COL16A1: variants seen among roughly 807,000 people sequenced by gnomAD.
COL16A1 encodes the protein collagen alpha-1(XVI) chain.
In COL16A1, 189 loss-of-function variants were observed where a neutral mutation model predicts 266.3. The ratio of observed to expected loss-of-function variants is 0.71; its 90% confidence interval spans 0.63 to 0.80. COL16A1 has a LOEUF of 0.80. Among genes scored for constraint, COL16A1 ranks in the 30% least tolerant of loss-of-function variants. COL16A1 has a pLI of 0.00. For synonymous variants in COL16A1, 740 were observed against 782.3 expected, an observed-to-expected ratio of 0.95 and a Z score of 0.90; for missense variants, 1,928 against 2,122.4, an observed-to-expected ratio of 0.91 and a Z score of 1.80.
In COL16A1 at chr1:31,662,657, C is replaced by T; in HGVS notation, c.3557G>A (p.Gly1186Asp). 1.3e-6 allele frequency: 2 copies of T among 1,547,200 alleles called. No homozygotes were observed. The highest frequency in any genetic ancestry group is 1.7e-6 in the Non-Finnish European group (2 of 1,146,482). The stretch of plus-strand genomic sequence containing the variant: ...TGATGGGCCTCGAATCCCTTCGCTG[C>T]CCTGGAAACCAGCGCCGCCCCCCCC... ...PGPPGPQAEKGSEGIRGPSGL... is the reference protein window; with the variant it reads ...PGPPGPQAEKDSEGIRGPSGL... Residue 1186 changes from glycine (G) to aspartate (D), a missense_variant and splice_region_variant, in exon 57 of 71, where the codon GGC (glycine) becomes GAC (aspartate). Gly to Asp is a moderately conservative substitution (Grantham distance 94). Around this residue, in one of 2 missense-constraint regions of COL16A1, gnomAD observed 1,552 missense variants for 1,637.2 expected, o/e 0.95. Transcript: ENST00000373672.
chr1:31,655,575 C>T, intron 66 of COL16A1, 73 bp from the exon 67 acceptor site: 1 of 1,580,862 alleles, frequency 6.3e-7, no homozygotes, highest in Non-Finnish European at 8.6e-7. Flanking sequence ...TTCTCTCCAC[C>T]CTCCCACCAG....
Position 31,672,447 on chromosome 1 carries a change from G to C in COL16A1, c.3074C>G (p.Pro1025Arg). The C allele has an allele frequency of 6.2e-7, 1 of 1,614,188 alleles. No individual in the cohort carries two copies. The highest frequency in any genetic ancestry group is 8.5e-7 in the Non-Finnish European group (1 of 1,180,028). The change falls in exon 47 of 71, where the codon CCT becomes CGT. Residue 1025 changes from proline to arginine, a missense_variant. By Grantham distance (103) the Pro-to-Arg change is moderately radical (BLOSUM62 -2). Transcript: ENST00000373672. Reference sequence around the variant, plus strand: ...TCCTCTCTGGCCTGGCAATCCCGGAGGACCAGGTAGGCCTGGGCTCCCAAC... The same window carrying C: ...TCCTCTCTGGCCTGGCAATCCCGGACGACCAGGTAGGCCTGGGCTCCCAAC... ...GCVGSPGLPG[P>R]PGLPGQRGEE...
At chr1:31,666,172 G>A in intron 52 of COL16A1, 91 bp from the exon 53 acceptor site, 1 of 1,361,056 alleles carries the variant, frequency 7.3e-7, no homozygotes, top group African/African-American at 1.5e-5. Flanking sequence ...CCAGAACAGA[G>A]GTGGCATGTG....
intron 52 of COL16A1, 63 bp from the exon 53 acceptor site, chr1:31,666,144 G>C (rs1570398089): frequency 3.9e-6 from 6 of 1,527,166 alleles, no homozygotes; most frequent in East Asian, 2.3e-5. Context: ...GAGGTAGGGG[G>C]ATGTGACAGG....
chr1:31,695,974 G>A, intron 9 of COL16A1, 114 bp downstream of exon 9: 1 of 1,079,466 alleles, frequency 9.3e-7, no homozygotes, highest in Non-Finnish European at 1.4e-6. Flanking sequence ...CTCTGTCCAG[G>A]AGGTGGGAAA....
Position 31,653,778 on chromosome 1 carries a change from C to T in COL16A1, c.4534+89G>A. The T allele has an allele frequency of 2.6e-6, 4 of 1,568,068 alleles. No homozygotes were observed. In the Admixed American group the frequency reaches 5.3e-5, roughly 21 times the overall value. On this transcript the variant is annotated intron_variant, in intron 69 of 70. Coordinates refer to ENST00000373672, the MANE Select transcript of COL16A1 (RefSeq NM_001856.4). ...ACACACACACACACACACACACATACATCCCATATTCACAACAGACCTCAT... is the reference window on the plus strand; with the variant it reads ...ACACACACACACACACACACACATATATCCCATATTCACAACAGACCTCAT...
chr1:31,695,716 T>C (rs370351006), intron 10 of COL16A1, 45 bp downstream of exon 10: 4 of 1,603,142 alleles, frequency 2.5e-6, no homozygotes, highest in Non-Finnish European at 3.4e-6. Context: ...GTGCAAAGGG[T>C]TCATGCTGGC....
chr1:31,695,935 G>T, intron 9 of COL16A1, 148 bp from the exon 10 acceptor site: 1 of 984,522 alleles, frequency 1.0e-6, no homozygotes, highest in Non-Finnish European at 1.6e-6. Context: ...CGTCCTTCTT[G>T]ATCAGAGCTG....
intron 52 of COL16A1, chr1:31,666,319 G>A: frequency 1.8e-6 from 1 of 562,224 alleles, no homozygotes; most frequent in Non-Finnish European, 3.1e-6. Flanking sequence ...GCAAATGGCT[G>A]CCCTCTTCTC....
At chr1:31,692,132 T>C (rs1333769224) in intron 16 of COL16A1, 65 bp from the exon 17 acceptor site, 105 of 1,609,026 alleles carry the variant, frequency 6.5e-5, no homozygotes, top group Non-Finnish European at 8.6e-5. Context: ...GGCAGCTCCA[T>C]CTGGTGGAGG....
At position 31,672,590 on chromosome 1, in the gene COL16A1, A is replaced by C. The variant is rs776476512; in HGVS notation, c.3018+6T>G. 8 of 1,607,778 alleles carry C rather than the reference A, an allele frequency of 5.0e-6. No individual in the cohort carries two copies. The highest frequency in any genetic ancestry group is 1.7e-5 in the Admixed American group (1 of 59,688). ...ATGATCGGGGGAGATAAGGCGAGGC[A>C]CTCACCCGGGCCTCCTCGGCTCTTG... On this transcript the variant is annotated splice_donor_region_variant and intron_variant, in intron 46 of 70. Transcript: ENST00000373672.
At chr1:31,654,967 GATTCTT>G in intron 67 of COL16A1, 109 bp from the exon 68 acceptor site, 1 of 384,190 alleles carries the variant, frequency 2.6e-6, no homozygotes, top group Non-Finnish European at 4.2e-6. Context: ...GCCTCCCACA[GATTCTT>G]TTTTTTTTTT....
Position 31,662,684 on chromosome 1 carries a change from C to G in COL16A1, c.3556-26G>C, listed in dbSNP as rs779018033. ...CTGGAAACCAGCGCCGCCCCCCCCC[C>G]CCGCCCCACAATAAAGTCAGCAGGG... is the stretch of plus-strand genomic sequence containing the variant. On this transcript the variant is annotated intron_variant, in intron 56 of 70. Coordinates refer to ENST00000373672, the MANE Select transcript of COL16A1 (RefSeq NM_001856.4). The G allele has an allele frequency of 2.2e-4, 232 of 1,050,162 alleles. 3 individuals carry two copies. The highest frequency in any genetic ancestry group is 1.0e-3 in the Middle Eastern group (3 of 2,918). The allele number at this position is 1,050,162 out of a possible 1,614,324, so 65.1% of individuals were successfully genotyped here. A position where few individuals can be genotyped will look rare whatever the true frequency, so the allele number is the denominator to read the frequency against.
At chr1:31,676,218 G>A (rs548191268) in intron 42 of COL16A1, among the ~76,000 whole-genome samples, 2 of 152,048 alleles carry the variant, frequency 1.3e-5, no homozygotes, top group Non-Finnish European at 2.9e-5. Flanking sequence ...CCAGATACAC[G>A]GGAGGCTGAG....
At position 31,697,358 on chromosome 1, in the gene COL16A1, GC is replaced by G; in HGVS notation, c.658-59del. On this transcript the variant is annotated intron_variant, in intron 6 of 70. Coordinates refer to ENST00000373672, the MANE Select transcript of COL16A1 (RefSeq NM_001856.4). This position sits in a 1 kb window ranked among gnomAD's most constrained non-coding sequence, Gnocchi z 4.2. ...TTTTATCAAATAGCTCTGTGTCCTG[GC>G]CCCCCAGGAGGCACAGAGATGTCTC... is the stretch of plus-strand genomic sequence containing the variant. 1.3e-6 allele frequency: 2 copies of G among 1,502,914 alleles called. No homozygotes were observed. The highest frequency in any genetic ancestry group is 1.8e-6 in the Non-Finnish European group (2 of 1,107,458). The allele number at this position is 1,502,914 out of a possible 1,614,324, so 93.1% of individuals were successfully genotyped here.
intron 11 of COL16A1, among the ~76,000 whole-genome samples, chr1:31,694,796 C>A (rs749182088): frequency 2.0e-5 from 3 of 152,202 alleles, no homozygotes; most frequent in Non-Finnish European, 4.4e-5. Flanking sequence ...CTGTGGGAGC[C>A]CTTGCCGTGC....
chr1:31,689,119 G>A (rs1263155540), intron 23 of COL16A1, 34 bp from the exon 24 acceptor site: 2 of 1,612,570 alleles, frequency 1.2e-6, no homozygotes, highest in Admixed American at 1.7e-5. Flanking sequence ...GCTGAGGCAG[G>A]GCACGATGGG....
Position 31,662,674 on chromosome 1 carries a change from G to GGGGGGC in COL16A1, c.3556-17_3556-16insGCCCCC. On this transcript the variant is annotated splice_polypyrimidine_tract_variant and intron_variant, in intron 56 of 70. Transcript: ENST00000373672. ...CTTCGCTGCCCTGGAAACCAGCGCC[G>GGGGGGC]CCCCCCCCCCCCGCCCCACAATAAA... is the stretch of plus-strand genomic sequence containing the variant. 1 of 1,263,610 alleles carries GGGGGGC rather than the reference G, an allele frequency of 7.9e-7. No individual in the cohort carries two copies. Among genetic ancestry groups the GGGGGGC allele is most frequent in the Non-Finnish European group, 1.0e-6 (1 of 960,616 alleles). The allele number at this position is 1,263,610 out of a possible 1,614,324, so 78.3% of individuals were successfully genotyped here.
rs769594635 is a variant in COL16A1, at chr1:31,681,083, C to T, written c.2539-16G>A. 6 of 1,608,374 alleles carry T rather than the reference C, an allele frequency of 3.7e-6. No homozygotes were observed. In the African/African-American group the frequency reaches 8.0e-5, roughly 22 times the overall value. Reference sequence around the variant, plus strand: ...CATCACGGCCCTGAAGAGAGAGAGCCCAGAGTCAGAGGGTGAGACTGGGCA... The same window carrying T: ...CATCACGGCCCTGAAGAGAGAGAGCTCAGAGTCAGAGGGTGAGACTGGGCA... On this transcript the variant is annotated splice_polypyrimidine_tract_variant and intron_variant, in intron 37 of 70. Coordinates refer to ENST00000373672, the MANE Select transcript of COL16A1 (RefSeq NM_001856.4).
Sources: allele counts gnomAD v4.1 joint callset (sites outside exome capture counted in the v4.1 genomes callset), GRCh38; gene constraint gnomAD v4.1.1; regional missense constraint gnomAD v4.1.1; non-coding constraint Gnocchi (gnomAD v3.1); transcripts MANE v1.5; gene names NCBI Gene and HGNC (gene_info 2026-07-23, HGNC 2026-07-21).